The following ZNF385D variants were observed in gnomAD, a reference collection of about 807,000 sequenced individuals.
ZNF385D encodes zinc finger protein 659.
Under a neutral mutation model 35.8 loss-of-function variants are expected in ZNF385D, and 15 were observed. That is an observed-to-expected ratio of 0.42 (90% CI 0.28 to 0.64). ZNF385D has a LOEUF of 0.64. ZNF385D is among the 30% of genes least tolerant of loss of function. ZNF385D has a pLI of 0.23. For synonymous variants in ZNF385D, 212 were observed against 186.8 expected (o/e 1.13, Z -1.10); for missense variants, 474 against 494.6 (o/e 0.96, Z 0.39).
At chr3:22,019,894 C>A (rs1032529824) in intron 3 of ZNF385D, among the ~76,000 whole-genome samples, 1 of 151,724 alleles carries the variant, frequency 6.6e-6, no homozygotes, top group Non-Finnish European at 1.5e-5. Context: ...ATTCAGTATA[C>A]CTAGTTCACT....
At chr3:22,071,232 C>A (rs918952377) in intron 3 of ZNF385D, among the ~76,000 whole-genome samples, 4 of 152,014 alleles carry the variant, frequency 2.6e-5, no homozygotes, top group African/African-American at 9.7e-5. Context: ...AAATAATATC[C>A]CAAAGGTTCC....
chr3:21,765,339 T>C (rs1423195952), intron 3 of ZNF385D, among the ~76,000 whole-genome samples: 1 of 152,018 alleles, frequency 6.6e-6, no homozygotes, highest in Non-Finnish European at 1.5e-5. Flanking sequence ...TTGATGTATT[T>C]CAGAGCAGCT....
intron 3 of ZNF385D, among the ~76,000 whole-genome samples, chr3:22,129,336 C>T (rs563968141): frequency 2.0e-5 from 3 of 152,162 alleles, no homozygotes; most frequent in Non-Finnish European, 4.4e-5. Flanking sequence ...TCCTTGGATA[C>T]TGCTGAGTTT....
chr3:21,655,570 TA>T (rs1273156791), intron 2 of ZNF385D, among the ~76,000 whole-genome samples: 25 of 152,042 alleles, frequency 1.6e-4, no homozygotes, highest in African/African-American at 5.8e-4. Flanking sequence ...CTCTTTTTTA[TA>T]GTCATTCAAT....
intron 3 of ZNF385D, among the ~76,000 whole-genome samples, chr3:21,758,952 A>G (rs1224059445): frequency 2.2e-5 from 3 of 139,162 alleles, no homozygotes; most frequent in East Asian, 4.2e-4. Flanking sequence ...AAGCCAAATC[A>G]TTATAACCAT....
intron 3 of ZNF385D, among the ~76,000 whole-genome samples, chr3:22,158,687 C>A (rs955215983): frequency 6.6e-6 from 1 of 151,704 alleles, no homozygotes; most frequent in Admixed American, 6.6e-5. Context: ...CATACACACA[C>A]ACACACATTC....
chr3:21,507,005 G>A (rs1706815580), intron 4 of ZNF385D, among the ~76,000 whole-genome samples: 1 of 152,076 alleles, frequency 6.6e-6, no homozygotes, highest in Non-Finnish European at 1.5e-5. Context: ...TAAAGTTAGT[G>A]AATAGGAGCT....
intron 4 of ZNF385D, among the ~76,000 whole-genome samples, chr3:21,502,772 C>T (rs1706479447): frequency 6.6e-6 from 1 of 152,192 alleles, no homozygotes; most frequent in African/African-American, 2.4e-5. Flanking sequence ...ACTTATCACA[C>T]ATCTTGAGAA....
chr3:22,182,915 A>G (rs1214797995), intron 2 of ZNF385D, among the ~76,000 whole-genome samples: 1 of 152,124 alleles, frequency 6.6e-6, no homozygotes, highest in Non-Finnish European at 1.5e-5. Flanking sequence ...AATGCATTAT[A>G]TTTAGATTTA....
intron 5 of ZNF385D, among the ~76,000 whole-genome samples, chr3:21,435,993 A>G (rs1225815844): frequency 1.3e-5 from 2 of 152,240 alleles, no homozygotes; most frequent in East Asian, 3.8e-4. Context: ...ATACAGCTGC[A>G]ATATTAACTC....
At chr3:22,333,516 C>A (rs1409450771) in intron 2 of ZNF385D, among the ~76,000 whole-genome samples, 1 of 151,678 alleles carries the variant, frequency 6.6e-6, no homozygotes, top group Non-Finnish European at 1.5e-5. Context: ...ATTAATTGGT[C>A]TTCAATTTCA....
At chr3:21,947,098 G>T (rs892229125) in intron 3 of ZNF385D, among the ~76,000 whole-genome samples, 3 of 152,042 alleles carry the variant, frequency 2.0e-5, no homozygotes, top group Non-Finnish European at 4.4e-5. Flanking sequence ...TGGGGTCAAA[G>T]GTGATATAAA....
intron 5 of ZNF385D, among the ~76,000 whole-genome samples, chr3:21,431,505 C>A (rs1028474449): frequency 2.6e-5 from 4 of 151,998 alleles, no homozygotes; most frequent in Admixed American, 1.3e-4. Flanking sequence ...AGCTCTTAAC[C>A]ACTTGAGATG....
intron 3 of ZNF385D, among the ~76,000 whole-genome samples, chr3:22,159,921 G>A (rs1229607218): frequency 4.6e-5 from 7 of 152,050 alleles, no homozygotes; most frequent in Non-Finnish European, 8.8e-5. Flanking sequence ...ATATGGTTTG[G>A]TTGTGTCCCC....
At chr3:22,087,082 A>C (rs6806595) in intron 3 of ZNF385D, among the ~76,000 whole-genome samples, 16,804 of 152,234 alleles carry the variant, frequency 0.11, 1,135 homozygotes, top group Admixed American at 0.19. Flanking sequence ...TACAATAAAA[A>C]GAAAAAAAGA....
chr3:21,549,727 G>T (rs2062503041), intron 3 of ZNF385D, among the ~76,000 whole-genome samples: 1 of 152,200 alleles, frequency 6.6e-6, no homozygotes, highest in Non-Finnish European at 1.5e-5. Flanking sequence ...AAAGGACCCA[G>T]TGGGAAGGCC....
At chr3:22,085,581 T>A (rs988056269) in intron 3 of ZNF385D, among the ~76,000 whole-genome samples, 1 of 151,420 alleles carries the variant, frequency 6.6e-6, no homozygotes, top group Non-Finnish European at 1.5e-5. Flanking sequence ...GAGGCAATAA[T>A]TAACAGCCTA....
intron 2 of ZNF385D, among the ~76,000 whole-genome samples, chr3:22,204,784 C>A (rs146634401): frequency 2.0e-5 from 3 of 151,528 alleles, no homozygotes; most frequent in Non-Finnish European, 4.4e-5. Flanking sequence ...AATTAGTGAG[C>A]TTGAGGACAA....
intron 3 of ZNF385D, among the ~76,000 whole-genome samples, chr3:21,922,543 A>T (rs552210916): frequency 1.3e-5 from 2 of 152,224 alleles, no homozygotes; most frequent in Admixed American, 6.5e-5. Flanking sequence ...TGAGGAAAGG[A>T]CTCCTATTCA....
Sources: gnomAD v4.1 joint callset for allele counts (sites outside exome capture counted in the v4.1 genomes callset) on GRCh38, gnomAD v4.1.1 for gene constraint, MANE v1.5 for transcripts, NCBI Gene and HGNC (gene_info 2026-07-23, HGNC 2026-07-21) for gene names.